The following DCTPP1 variants were observed in gnomAD, a reference collection of about 807,000 sequenced individuals.
DCTPP1 encodes XTP3-transactivated gene A protein.
In DCTPP1, 8 loss-of-function variants were observed where a neutral mutation model predicts 8.8. That is an observed-to-expected ratio of 0.91 (90% CI 0.54 to 1.64). The LOEUF (loss-of-function observed/expected upper bound fraction) is 1.64, where lower values mean the gene tolerates loss of function less well. Among genes scored for constraint, DCTPP1 ranks in the 40% most tolerant of loss-of-function variants. DCTPP1 has a pLI of 0.00. For synonymous variants in DCTPP1, 85 were observed against 92.1 expected (o/e 0.92, Z 0.44); for missense variants, 231 against 230.4 (o/e 1.00, Z -0.02).
At chr16:30,428,519 C>T (rs1428393307) in intron 2 of DCTPP1, among the ~76,000 whole-genome samples, 1 of 152,202 alleles carries the variant, frequency 6.6e-6, no homozygotes, top group East Asian at 1.9e-4. Flanking sequence ...CCTGTAATCC[C>T]AGCACTTTGG....
At chr16:30,429,753 G>T in intron 1 of DCTPP1, 127 bp downstream of exon 1, 1 of 889,298 alleles carries the variant, frequency 1.1e-6, no homozygotes, top group South Asian at 1.7e-5. Context: ...CTCACCCAGG[G>T]ACAGCCCACA....
intron 2 of DCTPP1, among the ~76,000 whole-genome samples, chr16:30,426,556 C>G (rs1264587286): frequency 6.6e-6 from 1 of 150,520 alleles, no homozygotes; most frequent in South Asian, 2.1e-4. Context: ...ACTGCCAGCT[C>G]TGCCTCCCGG....
rs760875327 is a variant in DCTPP1, at chr16:30,424,533, A to C, written c.213T>G (p.Phe71Leu). The C allele has an allele frequency of 2.5e-6, 4 of 1,612,950 alleles. No individual in the cohort carries two copies. The highest frequency in any genetic ancestry group is 1.1e-5 in the South Asian group (1 of 91,056). Reference protein sequence around the residue: ...VGEVGELAELFQWKTDGEPGP... With the variant: ...VGEVGELAELLQWKTDGEPGP... ...CAGGTTCCCCATCGGTTTTCCACTG[A>C]CTAGGGGCAGAACACAGACAGACAC... The change falls in exon 3 of 3, where the codon TTT becomes TTG. Residue 71 changes from phenylalanine to leucine, a missense_variant and splice_region_variant. Physicochemically the swap from Phe to Leu is conservative, Grantham distance 22. Transcript: ENST00000319285.
chr16:30,425,824 T>A (rs1324934860), intron 2 of DCTPP1, among the ~76,000 whole-genome samples: 5 of 152,078 alleles, frequency 3.3e-5, no homozygotes, highest in African/African-American at 4.8e-5. Context: ...TCTCAAAAAC[T>A]AAACAAAACA....
At chr16:30,426,878 T>G (rs1380111916) in intron 2 of DCTPP1, among the ~76,000 whole-genome samples, 1 of 151,776 alleles carries the variant, frequency 6.6e-6, no homozygotes, top group East Asian at 1.9e-4. Context: ...GGTTGTATTT[T>G]TTAGTAGAGA....
intron 1 of DCTPP1, 60 bp from the exon 2 acceptor site, chr16:30,429,227 C>T: frequency 6.4e-7 from 1 of 1,571,592 alleles, no homozygotes; most frequent in Non-Finnish European, 8.7e-7. Context: ...ATGCAGGGGC[C>T]AGAGGCAGCT....
At chr16:30,426,426 T>C (rs979006120) in intron 2 of DCTPP1, among the ~76,000 whole-genome samples, 12 of 151,286 alleles carry the variant, frequency 7.9e-5, no homozygotes, top group Non-Finnish European at 1.8e-4. Context: ...CCGCCTGCCT[T>C]GGTCTCCCAA....
chr16:30,424,527 C>T lies in DCTPP1; in HGVS notation c.219G>A (p.Trp73Ter). Residue 73 changes from tryptophan (W) to a stop codon, truncating the protein, a stop_gained, in exon 3 of 3, where the codon TGG (tryptophan) becomes TGA (stop). Coordinates refer to ENST00000319285, the MANE Select transcript of DCTPP1 (RefSeq NM_024096.2). LOFTEE classifies it high-confidence loss of function. ...GGGGGCCAGGTTCCCCATCGGTTTTCCACTGACTAGGGGCAGAACACAGAC... is the reference window on the plus strand; with the variant it reads ...GGGGGCCAGGTTCCCCATCGGTTTTTCACTGACTAGGGGCAGAACACAGAC... ...EVGELAELFQ[W>*]KTDGEPGPQG... The T allele has an allele frequency of 3.7e-6, 6 of 1,613,498 alleles. No individual in the cohort carries two copies. Among genetic ancestry groups the T allele is most frequent in the Non-Finnish European group, 5.1e-6 (6 of 1,179,964 alleles).
At chr16:30,428,802 GA>G (rs1567445681) in intron 2 of DCTPP1, 19 of 419,496 alleles carry the variant, frequency 4.5e-5, no homozygotes, top group Non-Finnish European at 7.2e-5. Context: ...CAAAAGAAGG[GA>G]AAAGGGTTGT....
chr16:30,429,065 T>C lies in DCTPP1; in HGVS notation c.204A>G (p.Ala68=), dbSNP rs767068046. 6.2e-7 allele frequency: 1 copy of C among 1,613,744 alleles called. No homozygotes were observed. Among genetic ancestry groups the C allele is most frequent in the Non-Finnish European group, 8.5e-7 (1 of 1,179,832 alleles). The part of the protein sequence containing the change: ...LALVGEVGEL[A]ELFQWKTDGE... Reference sequence around the variant, plus strand: ...GCTTTCCATCTACTCACAAGAGTTCTGCCAGCTCCCCCACTTCCCCAACCA... The same window carrying C: ...GCTTTCCATCTACTCACAAGAGTTCCGCCAGCTCCCCCACTTCCCCAACCA... The change falls in exon 2 of 3, where the codon GCA becomes GCG. Residue 68 remains alanine (A), a synonymous_variant. Coordinates refer to ENST00000319285, the MANE Select transcript of DCTPP1 (RefSeq NM_024096.2).
rs2050181797 is a variant in DCTPP1, at chr16:30,424,495, C to T, written c.251G>A (p.Trp84Ter). The T allele has an allele frequency of 1.9e-6, 3 of 1,614,144 alleles. No individual in the cohort carries two copies. Among genetic ancestry groups the T allele is most frequent in the Non-Finnish European group, 1.7e-6 (2 of 1,180,042 alleles). ...KTDGEPGPQG[W>*]SPRERAALQE... is the part of the protein sequence containing the mutation. ...AAGGGCTGCCCGTTCCCTGGGGGAC[C>T]AGCCTTGGGGGCCAGGTTCCCCATC... The change falls in exon 3 of 3, where the codon TGG (tryptophan) becomes TAG (stop). Residue 84 changes from tryptophan to a stop codon, truncating the protein, a stop_gained. Coordinates refer to ENST00000319285, the MANE Select transcript of DCTPP1 (RefSeq NM_024096.2). LOFTEE classifies it high-confidence loss of function.
At chr16:30,426,465 G>A (rs2050193450) in intron 2 of DCTPP1, among the ~76,000 whole-genome samples, 1 of 138,614 alleles carries the variant, frequency 7.2e-6, no homozygotes, top group African/African-American at 2.7e-5. Context: ...GTGAGCCACA[G>A]CACCTGGCCG....
chr16:30,428,927 T>A (rs2050208916), intron 2 of DCTPP1, 130 bp downstream of exon 2: 1 of 987,254 alleles, frequency 1.0e-6, no homozygotes, highest in Non-Finnish European at 1.5e-6. Context: ...CCTCTCTGCA[T>A]CCCAACAACA....
At chr16:30,424,677 G>T in intron 2 of DCTPP1, 144 bp from the exon 3 acceptor site, 1 of 986,840 alleles carries the variant, frequency 1.0e-6, no homozygotes, top group Non-Finnish European at 1.5e-6. Flanking sequence ...AAGAGACCCC[G>T]ACAGATGATA....
Position 30,428,802 on chromosome 16 carries a change from G to C in DCTPP1, c.212+255C>G, listed in dbSNP as rs183897302. On this transcript the variant is annotated intron_variant, in intron 2 of 2. Coordinates refer to ENST00000319285, the MANE Select transcript of DCTPP1 (RefSeq NM_024096.2). Reference sequence around the variant, plus strand: ...CAAAAAAACAAAAAACAAAAGAAGGGAAAAGGGTTGTTGCCACTGCTTCTT... The same window carrying C: ...CAAAAAAACAAAAAACAAAAGAAGGCAAAAGGGTTGTTGCCACTGCTTCTT... 41 of 419,614 alleles carry C rather than the reference G, an allele frequency of 9.8e-5. No homozygotes were observed. In the Admixed American group the frequency reaches 1.1e-3, roughly 11 times the overall value. The allele number at this position is 419,614 out of a possible 1,614,324, so 26.0% of individuals were successfully genotyped here.
chr16:30,429,922 G>A lies in DCTPP1; in HGVS notation c.59C>T (p.Pro20Leu). 1 of 1,594,098 alleles carries A rather than the reference G, an allele frequency of 6.3e-7. No individual in the cohort carries two copies. The highest frequency in any genetic ancestry group is 8.5e-7 in the Non-Finnish European group (1 of 1,171,140). Residue 20 changes from proline (P) to leucine (L), a missense_variant, in exon 1 of 3, where the codon CCC (proline) becomes CTC (leucine). Pro to Leu is a moderately conservative substitution (Grantham distance 98). Coordinates refer to ENST00000319285, the MANE Select transcript of DCTPP1 (RefSeq NM_024096.2). Reference protein sequence around the residue: ...GDTGGEDTAAPGRFSFSPEPT... With the variant: ...GDTGGEDTAALGRFSFSPEPT... ...CTCCGGGCTGAAGCTGAACCGGCCG[G>A]GAGCAGCAGTGTCCTCTCCCCCCGT...
rs2050209631 is a variant in DCTPP1 at position 30,429,054 on chromosome 16, C to T, written c.212+3G>A. The T allele has an allele frequency of 6.2e-7, 1 of 1,613,152 alleles. No individual in the cohort carries two copies. The highest frequency in any genetic ancestry group is 1.1e-5 in the South Asian group (1 of 90,860). Reference sequence around the variant, plus strand: ...TCTACCAGGAAGCTTTCCATCTACTCACAAGAGTTCTGCCAGCTCCCCCAC... The same window carrying T: ...TCTACCAGGAAGCTTTCCATCTACTTACAAGAGTTCTGCCAGCTCCCCCAC... On this transcript the variant is annotated splice_donor_region_variant and intron_variant, in intron 2 of 2. Coordinates refer to ENST00000319285, the MANE Select transcript of DCTPP1 (RefSeq NM_024096.2).
At chr16:30,427,203 G>C (rs997975598) in intron 2 of DCTPP1, among the ~76,000 whole-genome samples, 8 of 148,330 alleles carry the variant, frequency 5.4e-5, no homozygotes, top group African/African-American at 1.7e-4. Context: ...GTAGAGACGG[G>C]GTTTCACCGT....
At chr16:30,426,734 C>G (rs917173020) in intron 2 of DCTPP1, among the ~76,000 whole-genome samples, 1 of 152,000 alleles carries the variant, frequency 6.6e-6, no homozygotes, top group Admixed American at 6.6e-5. Flanking sequence ...GAGTCTTGCT[C>G]TGTCGCCCTG....
Sources: gnomAD v4.1 joint callset for allele counts (sites outside exome capture counted in the v4.1 genomes callset) on GRCh38, gnomAD v4.1.1 for gene constraint, MANE v1.5 for transcripts, NCBI Gene and HGNC (gene_info 2026-07-23, HGNC 2026-07-21) for gene names.